LPIN1: variants seen among roughly 807,000 people sequenced by gnomAD.
The protein encoded by LPIN1 is phosphatidate phosphatase LPIN1.
A neutral mutation model predicts 107.5 loss-of-function variants in LPIN1; 71 were observed. The observed-to-expected ratio is 0.66, with a 90% CI of 0.55 to 0.80. The LOEUF is 0.80. Among genes scored for constraint, LPIN1 ranks in the 30% least tolerant of loss-of-function variants. LPIN1 has a pLI of 0.00. For missense variants in LPIN1, 1,043 were observed against 1,160.6 expected (o/e 0.90, Z 1.47); for synonymous variants, 445 against 452.6 (o/e 0.98, Z 0.21).
In LPIN1 at chr2:11,772,929, A is replaced by G. The variant is rs1455692882; in HGVS notation, c.597-691A>G. 9.0e-5 allele frequency among the ~76,000 whole-genome samples: 8 copies of G among 88,588 alleles called. No homozygotes were observed. In the East Asian group the frequency reaches 1.6e-3, roughly 18 times the overall value. 58.1% of individuals were successfully genotyped at this position (88,588 alleles called of 152,430 possible). A position where few individuals can be genotyped will look rare whatever the true frequency, so the allele number is the denominator to read the frequency against. On this transcript the variant is annotated intron_variant, in intron 4 of 20. Coordinates refer to ENST00000674199, the MANE Select transcript of LPIN1 (RefSeq NM_001349206.2). ...AACGAATATTGCTTTTCCCAACTAC[A>G]GCCTCTATCTAACCTGTGACAGGCT...
chr2:11,686,794 A>T (rs550937148), intron 1 of LPIN1, among the ~76,000 whole-genome samples: 2 of 152,030 alleles, frequency 1.3e-5, no homozygotes, highest in East Asian at 3.9e-4. Context: ...ATGTGTGTCC[A>T]TTAGTGATTA....
chr2:11,744,620 A>T (rs536127569), upstream of LPIN1, among the ~76,000 whole-genome samples: 85 of 152,330 alleles, frequency 5.6e-4, 1 homozygote, highest in Non-Finnish European at 1.5e-5. Flanking sequence ...CAGACCTCCC[A>T]TCTCCACATT....
At chr2:11,680,720 G>T (rs764606464) in intron 1 of LPIN1, among the ~76,000 whole-genome samples, 2 of 152,194 alleles carry the variant, frequency 1.3e-5, no homozygotes, top group African/African-American at 4.8e-5. Context: ...AAGTCTGCAG[G>T]GGTTGTTCCT....
At chr2:11,814,492 G>C (rs901153306) in intron 17 of LPIN1, among the ~76,000 whole-genome samples, 2 of 150,084 alleles carry the variant, frequency 1.3e-5, no homozygotes, top group African/African-American at 4.9e-5. Context: ...GAGAGACTAA[G>C]GATGTTTTGG....
In LPIN1 at chr2:11,774,726, C is replaced by G. The variant is rs968114426; in HGVS notation, c.722+981C>G. Among the ~76,000 whole-genome samples, 1 of 152,116 alleles carries G rather than the reference C, an allele frequency of 6.6e-6. No individual in the cohort carries two copies. The highest frequency in any genetic ancestry group is 1.5e-5 in the Non-Finnish European group (1 of 68,036). ...TGATCAGGGTAACCTTGTGAATTAG[C>G]AAGCAGCAGTCCCCAGTGTGTGCTG... On this transcript the variant is annotated intron_variant, in intron 5 of 20. Transcript: ENST00000674199. This position sits in a 1 kb window ranked among gnomAD's most constrained non-coding sequence, Gnocchi z 4.4.
At chr2:11,777,757 A>G (rs979747624) in intron 6 of LPIN1, among the ~76,000 whole-genome samples, 2 of 152,174 alleles carry the variant, frequency 1.3e-5, no homozygotes, top group Non-Finnish European at 2.9e-5. Context: ...AAAGGACTTT[A>G]TTTCATTTAG....
chr2:11,820,970 A>G (rs1194961580), intron 20 of LPIN1, among the ~76,000 whole-genome samples: 1 of 152,212 alleles, frequency 6.6e-6, no homozygotes, highest in Non-Finnish European at 1.5e-5. Flanking sequence ...GTCAAAGCCC[A>G]GTTTTTCTGA....
intron 20 of LPIN1, among the ~76,000 whole-genome samples, chr2:11,822,348 G>A (rs933088019): frequency 2.0e-5 from 3 of 151,570 alleles, no homozygotes; most frequent in Admixed American, 1.3e-4. Context: ...TACTTGGAAG[G>A]CTAAGGCAGA....
intron 1 of LPIN1, among the ~76,000 whole-genome samples, chr2:11,698,858 C>T (rs1572341518): frequency 6.6e-6 from 1 of 152,186 alleles, no homozygotes; most frequent in South Asian, 2.1e-4. Flanking sequence ...TGGCCTTGGG[C>T]CCACTGCCTG....
chr2:11,692,454 A>G lies in LPIN1; in HGVS notation c.81+14726A>G, dbSNP rs148076920. Among the ~76,000 whole-genome samples, 10 of 152,336 alleles carry G rather than the reference A, an allele frequency of 6.6e-5. No homozygotes were observed. In the East Asian group the frequency reaches 1.4e-3, roughly 21 times the overall value. On this transcript the variant is annotated intron_variant, in intron 1 of 21. Coordinates refer to the LPIN1 transcript ENST00000449576. Reference sequence around the variant, plus strand: ...ACTAGAAACTCCTGGGAGCTTTGCAATGTTCCGGGTTCTACCCCTGTTGAT... The same window carrying G: ...ACTAGAAACTCCTGGGAGCTTTGCAGTGTTCCGGGTTCTACCCCTGTTGAT...
intron 1 of LPIN1, among the ~76,000 whole-genome samples, chr2:11,761,176 T>A (rs1217775909): frequency 4.0e-5 from 6 of 149,782 alleles, no homozygotes; most frequent in Non-Finnish European, 8.8e-5. Context: ...GTTTTAGAGT[T>A]AGAGGGTTAC....
intron 16 of LPIN1, 87 bp downstream of exon 16, chr2:11,804,658 C>G (rs568553890): frequency 7.2e-7 from 1 of 1,390,524 alleles, no homozygotes; most frequent in South Asian, 1.2e-5. Flanking sequence ...CTCTGCTCTC[C>G]TCATGGGACT....
chr2:11,816,679 T>TA (rs1217415330), intron 18 of LPIN1: 5 of 151,866 alleles, frequency 3.3e-5, no homozygotes, highest in African/African-American at 1.2e-4. Flanking sequence ...TTCCATGTGC[T>TA]AGCTGTCCTG....
rs1396042641 is a variant in LPIN1, at chr2:11,773,756, C to T, written c.722+11C>T. ...GTCACCCACTCCCAGGTAAGCTGTT[C>T]CCTGTTCCCCTGGCCCAGTGCAGAG... On this transcript the variant is annotated intron_variant, in intron 5 of 20. Coordinates refer to ENST00000674199, the MANE Select transcript of LPIN1 (RefSeq NM_001349206.2). 6 of 1,613,942 alleles carry T rather than the reference C, an allele frequency of 3.7e-6. No individual in the cohort carries two copies. Among genetic ancestry groups the T allele is most frequent in the Middle Eastern group, 1.7e-4 (1 of 6,042 alleles).
At position 11,760,454 on chromosome 2, in the gene LPIN1, C is replaced by G. The variant is rs543023368; in HGVS notation, c.-9-5079C>G. Among the ~76,000 whole-genome samples, 8 of 152,366 alleles carry G rather than the reference C, an allele frequency of 5.3e-5. No individual in the cohort carries two copies. In the South Asian group the frequency reaches 6.2e-4, roughly 12 times the overall value. ...CGGCACCTCAGGAGGCCGAGGCTGG[C>G]AGATCACTCCCGATTAGGAGCTGGA... On this transcript the variant is annotated intron_variant, in intron 1 of 20. Coordinates refer to ENST00000674199, the MANE Select transcript of LPIN1 (RefSeq NM_001349206.2).
intron 1 of LPIN1, among the ~76,000 whole-genome samples, chr2:11,740,622 T>G (rs1470850861): frequency 7.0e-6 from 1 of 142,758 alleles, no homozygotes; most frequent in Non-Finnish European, 1.5e-5. Context: ...AGGTGGAGGT[T>G]GCAGTGAGCC....
intron 1 of LPIN1, chr2:11,681,588 G>A (rs1248635641): frequency 6.6e-6 from 1 of 152,572 alleles, no homozygotes; most frequent in Admixed American, 6.5e-5. Context: ...ACCCAGGTTC[G>A]GGTATTTCTT....
chr2:11,799,937 A>G (rs1257983969), intron 14 of LPIN1, among the ~76,000 whole-genome samples: 1 of 152,168 alleles, frequency 6.6e-6, no homozygotes, highest in African/African-American at 2.4e-5. Context: ...ATCAGCCCCC[A>G]ATGTCATGGC....
chr2:11,780,170 C>T (rs773597297), intron 7 of LPIN1, among the ~76,000 whole-genome samples: 6 of 152,204 alleles, frequency 3.9e-5, no homozygotes, highest in African/African-American at 1.4e-4. Context: ...CGTGAGCTGC[C>T]GTGCCCAGCC....
Sources: allele counts gnomAD v4.1 joint callset (sites outside exome capture counted in the v4.1 genomes callset), GRCh38; gene constraint gnomAD v4.1.1; non-coding constraint Gnocchi (gnomAD v3.1); transcripts MANE v1.5; gene names NCBI Gene and HGNC (gene_info 2026-07-23, HGNC 2026-07-21).